FSTL5: variants seen among roughly 807,000 people sequenced by gnomAD.
The protein encoded by FSTL5 is follistatin-related protein 5.
A neutral mutation model predicts 89.1 loss-of-function variants in FSTL5; 62 were observed. That is an observed-to-expected ratio of 0.70 (90% confidence interval 0.57 to 0.86). The LOEUF (loss-of-function observed/expected upper bound fraction) is 0.86, where lower values mean the gene tolerates loss of function less well. FSTL5 is among the 40% of genes least tolerant of loss of function. The pLI, the probability that FSTL5 is intolerant of heterozygous loss-of-function variation, is 0.00. For synonymous variants in FSTL5, 383 were observed against 346.2 expected (o/e 1.11, Z -1.18); for missense variants, 1,057 against 1,001.6 (o/e 1.06, Z -0.75).
chr4:161,600,381 G>A (rs12649062), intron 7 of FSTL5, among the ~76,000 whole-genome samples: 43,072 of 151,904 alleles, frequency 0.28, 6,629 homozygotes, highest in East Asian at 0.55. Flanking sequence ...CCTACAGGAG[G>A]CTTCAGATTC....
chr4:162,159,279 T>C (rs554538549), intron 1 of FSTL5, among the ~76,000 whole-genome samples: 2 of 152,202 alleles, frequency 1.3e-5, no homozygotes, highest in Admixed American at 1.3e-4. Flanking sequence ...AATTGCTACC[T>C]TGGTGCTACA....
chr4:161,933,260 A>T (rs1048452328), intron 3 of FSTL5, among the ~76,000 whole-genome samples: 2 of 151,948 alleles, frequency 1.3e-5, no homozygotes, highest in Non-Finnish European at 2.9e-5. Context: ...CAGCCACAGG[A>T]TCCCACTAGA....
intron 13 of FSTL5, among the ~76,000 whole-genome samples, chr4:161,464,145 G>A (rs1211088841): frequency 6.6e-6 from 1 of 152,106 alleles, no homozygotes; most frequent in Non-Finnish European, 1.5e-5. Context: ...TTCTTTTAGA[G>A]TGAAAGCCAA....
intron 8 of FSTL5, among the ~76,000 whole-genome samples, chr4:161,559,731 T>C (rs1732521594): frequency 6.6e-6 from 1 of 151,926 alleles, no homozygotes; most frequent in Admixed American, 6.6e-5. Context: ...CATATGCATG[T>C]AAAATGTGTT....
intron 10 of FSTL5, among the ~76,000 whole-genome samples, chr4:161,526,532 C>T (rs1731225224): frequency 1.3e-5 from 2 of 152,224 alleles, no homozygotes; most frequent in Admixed American, 6.5e-5. Context: ...ATGCCTATGT[C>T]CTGAATGGTA....
intron 6 of FSTL5, among the ~76,000 whole-genome samples, chr4:161,661,078 A>T (rs549810359): frequency 6.6e-6 from 1 of 152,256 alleles, no homozygotes; most frequent in African/African-American, 2.4e-5. Flanking sequence ...TTCCTCAATG[A>T]CCTCATATTA....
At chr4:161,602,253 A>AAGAG (rs58991875) in intron 7 of FSTL5, among the ~76,000 whole-genome samples, 5,694 of 122,570 alleles carry the variant, frequency 0.046, 279 homozygotes, top group African/African-American at 0.11. Flanking sequence ...GAGGGAGAGA[A>AAGAG]AGAGAGAGAG....
chr4:161,975,266 G>T (rs359484), intron 3 of FSTL5, among the ~76,000 whole-genome samples: 36,551 of 145,714 alleles, frequency 0.25, 5,585 homozygotes, highest in African/African-American at 0.44. Context: ...TATACCCAAA[G>T]GACTATAAAT....
intron 7 of FSTL5, among the ~76,000 whole-genome samples, chr4:161,646,986 C>T (rs1158078470): frequency 2.0e-5 from 3 of 152,110 alleles, no homozygotes; most frequent in Non-Finnish European, 2.9e-5. Context: ...CTTTGCTATG[C>T]AGAAACTATT....
intron 8 of FSTL5, among the ~76,000 whole-genome samples, chr4:161,550,515 T>C (rs993805641): frequency 3.1e-4 from 47 of 150,984 alleles, no homozygotes; most frequent in South Asian, 6.2e-4. Context: ...CAAATAACTT[T>C]TTTTTGTATT....
intron 1 of FSTL5, among the ~76,000 whole-genome samples, chr4:162,126,104 G>T (rs1292911968): frequency 2.8e-4 from 42 of 151,964 alleles, no homozygotes; most frequent in Non-Finnish European, 1.0e-4. Flanking sequence ...TAAAATATAA[G>T]AAATCAATTT....
intron 2 of FSTL5, among the ~76,000 whole-genome samples, chr4:162,107,909 A>T (rs1211586692): frequency 1.3e-5 from 2 of 152,112 alleles, no homozygotes; most frequent in Non-Finnish European, 2.9e-5. Context: ...ATGTGAATAA[A>T]CAGGAATAAT....
intron 8 of FSTL5, among the ~76,000 whole-genome samples, chr4:161,548,474 A>G (rs536052036): frequency 1.3e-5 from 2 of 152,022 alleles, no homozygotes; most frequent in East Asian, 1.9e-4. Context: ...TTAGGGGAGT[A>G]TGATAGACAG....
intron 13 of FSTL5, among the ~76,000 whole-genome samples, chr4:161,460,067 A>G (rs1341812935): frequency 6.6e-6 from 1 of 151,962 alleles, no homozygotes; most frequent in Non-Finnish European, 1.5e-5. Flanking sequence ...TTACAAGCTA[A>G]CACCACTTAA....
At chr4:161,939,409 A>T (rs1333392670) in intron 3 of FSTL5, among the ~76,000 whole-genome samples, 1 of 152,000 alleles carries the variant, frequency 6.6e-6, no homozygotes, top group Non-Finnish European at 1.5e-5. Flanking sequence ...TCTGTATATT[A>T]CATTCTTTAG....
chr4:161,936,844 C>T (rs2110911344), intron 3 of FSTL5, among the ~76,000 whole-genome samples: 1 of 152,198 alleles, frequency 6.6e-6, no homozygotes, highest in Admixed American at 6.6e-5. Flanking sequence ...ATGTTGAAAG[C>T]CATAATCTTA....
chr4:161,398,033 A>G (rs7660031), intron 15 of FSTL5, among the ~76,000 whole-genome samples: 7,157 of 152,100 alleles, frequency 0.047, 431 homozygotes, highest in East Asian at 0.19. Flanking sequence ...GTGAACAAAT[A>G]TAATCTCTCA....
chr4:161,704,826 G>A (rs1232508503), intron 6 of FSTL5, among the ~76,000 whole-genome samples: 2 of 151,954 alleles, frequency 1.3e-5, no homozygotes, highest in Non-Finnish European at 2.9e-5. Flanking sequence ...TCTTTCTCAG[G>A]TTTGAGACCA....
At chr4:162,100,178 C>T (rs571147778) in intron 2 of FSTL5, among the ~76,000 whole-genome samples, 80 of 152,288 alleles carry the variant, frequency 5.3e-4, no homozygotes, top group African/African-American at 1.9e-3. Flanking sequence ...AGATGTTCTT[C>T]AGTAGTGAAT....
Sources: gnomAD v4.1 joint callset for allele counts (sites outside exome capture counted in the v4.1 genomes callset) on GRCh38, gnomAD v4.1.1 for gene constraint, MANE v1.5 for transcripts, NCBI Gene and HGNC (gene_info 2026-07-23, HGNC 2026-07-21) for gene names.